The following SLCO3A1 variants were observed in gnomAD, a reference collection of about 807,000 sequenced individuals.
The protein encoded by SLCO3A1 is solute carrier organic anion transporter family member 3A1.
SLCO3A1 carries 27 observed loss-of-function variants against 63.1 expected under a neutral mutation model. That is an observed-to-expected ratio of 0.43 (90% confidence interval 0.32 to 0.59). The LOEUF (loss-of-function observed/expected upper bound fraction) is 0.59. SLCO3A1 is among the 20% of genes least tolerant of loss of function. The pLI is 0.09. For synonymous variants in SLCO3A1, 473 were observed against 409.9 expected, an observed-to-expected ratio of 1.15 and a Z score of -1.86; for missense variants, 773 against 945.8, an observed-to-expected ratio of 0.82 and a Z score of 2.40.
At chr15:92,045,146 G>T (rs545929156) in intron 2 of SLCO3A1, among the ~76,000 whole-genome samples, 1 of 152,176 alleles carries the variant, frequency 6.6e-6, no homozygotes, top group East Asian at 1.9e-4. Flanking sequence ...TGGGCTTGGT[G>T]GCATGCACCT....
chr15:92,026,963 G>C (rs1033816596), intron 2 of SLCO3A1, among the ~76,000 whole-genome samples: 1 of 152,080 alleles, frequency 6.6e-6, no homozygotes, highest in Non-Finnish European at 1.5e-5. Flanking sequence ...GGTGGTGCAC[G>C]CCTGTAATCC....
intron 1 of SLCO3A1, among the ~76,000 whole-genome samples, chr15:91,858,296 A>C (rs1188226111): frequency 6.6e-6 from 1 of 152,150 alleles, no homozygotes; most frequent in Non-Finnish European, 1.5e-5. Context: ...TATTTTATAC[A>C]CTTATGCTTA....
intron 6 of SLCO3A1, among the ~76,000 whole-genome samples, chr15:92,126,946 G>A (rs1415324223): frequency 6.6e-6 from 1 of 152,180 alleles, no homozygotes; most frequent in Non-Finnish European, 1.5e-5. Context: ...TGGCCTGCAG[G>A]TTACCAGTTT....
At chr15:92,075,637 T>G (rs1369489547) in intron 2 of SLCO3A1, among the ~76,000 whole-genome samples, 1 of 152,250 alleles carries the variant, frequency 6.6e-6, no homozygotes, top group Non-Finnish European at 1.5e-5. Context: ...TTTGGCCATG[T>G]TGAATCCTCA....
chr15:92,037,985 A>G (rs1681847323), intron 2 of SLCO3A1, among the ~76,000 whole-genome samples: 1 of 152,208 alleles, frequency 6.6e-6, no homozygotes. Flanking sequence ...TCTCACATGT[A>G]TAGTAGTGAG....
intron 1 of SLCO3A1, among the ~76,000 whole-genome samples, chr15:91,903,725 G>A (rs1368483607): frequency 1.3e-5 from 2 of 152,198 alleles, no homozygotes; most frequent in Non-Finnish European, 2.9e-5. Flanking sequence ...GTCCAGCTCT[G>A]TGCTCAGGAG....
chr15:91,981,644 C>G (rs1167242135), intron 2 of SLCO3A1, among the ~76,000 whole-genome samples: 1 of 152,176 alleles, frequency 6.6e-6, no homozygotes, highest in Non-Finnish European at 1.5e-5. Flanking sequence ...AACTACCCCT[C>G]CCTTTGGGCC....
intron 2 of SLCO3A1, among the ~76,000 whole-genome samples, chr15:92,034,139 G>A (rs997338012): frequency 6.6e-6 from 1 of 151,636 alleles, no homozygotes; most frequent in Admixed American, 6.6e-5. Flanking sequence ...GAGGAGTGAG[G>A]AGGAAAGTGG....
Position 91,916,254 on chromosome 15 carries a change from G to T in SLCO3A1, c.442G>T (p.Asp148Tyr). ...GEIRWGAEGRDVCAANGSGGD... is the reference protein window; with the variant it reads ...GEIRWGAEGRYVCAANGSGGD... Reference sequence around the variant, plus strand: ...GATCCGCTGGGGCGCCGAGGGCCGCGACGTCTGCGCAGCCAACGGCTCGGG... The same window carrying T: ...GATCCGCTGGGGCGCCGAGGGCCGCTACGTCTGCGCAGCCAACGGCTCGGG... The change falls in exon 2 of 10, where the codon GAC becomes TAC. Residue 148 changes from aspartate (D) to tyrosine (Y), a missense_variant. Physicochemically the swap from Asp to Tyr is radical, Grantham distance 160. Around this residue, in one of 3 missense-constraint regions of SLCO3A1, gnomAD observed 565 missense variants for 749.8 expected, o/e 0.75. Coordinates refer to ENST00000318445, the MANE Select transcript of SLCO3A1 (RefSeq NM_013272.4). The surrounding 1 kb of genome is among the most constrained non-coding windows in gnomAD (Gnocchi z 6.2). The T allele has an allele frequency of 1.3e-6, 2 of 1,567,044 alleles. No individual in the cohort carries two copies. The highest frequency in any genetic ancestry group is 1.7e-6 in the Non-Finnish European group (2 of 1,156,458).
chr15:92,171,723 A>C, intron 10 of SLCO3A1: 1 of 1,236,954 alleles, frequency 8.1e-7, no homozygotes, highest in Non-Finnish European at 1.2e-6. Flanking sequence ...CAGTAGGTGA[A>C]GCAGAAAAGA....
Position 91,854,277 on chromosome 15 carries a change from G to C in SLCO3A1, c.180+189G>C, listed in dbSNP as rs1896853748. ...GCCGGCCGGGGCTGCCAGCGAGCGG[G>C]TAGCGGGCGGGACCGTTGATGCCGG... On this transcript the variant is annotated intron_variant, in intron 1 of 9. Transcript: ENST00000318445. This position sits in a 1 kb window ranked among gnomAD's most constrained non-coding sequence, Gnocchi z 6.4. 1.7e-6 allele frequency: 2 copies of C among 1,144,850 alleles called. No individual in the cohort carries two copies. The highest frequency in any genetic ancestry group is 2.2e-6 in the Non-Finnish European group (2 of 926,714). The allele number at this position is 1,144,850 out of a possible 1,614,324, so 70.9% of individuals were successfully genotyped here. A position where few individuals can be genotyped will look rare whatever the true frequency, so the allele number is the denominator to read the frequency against.
In SLCO3A1 at chr15:92,165,291, A is replaced by G; in HGVS notation, c.*2156A>G. Reference sequence around the variant, plus strand: ...GGGGACACTCATCAGTACGTTAACTACTAAAGGGGAGATGGTTCTCCAACC... The same window carrying G: ...GGGGACACTCATCAGTACGTTAACTGCTAAAGGGGAGATGGTTCTCCAACC... On this transcript the variant is annotated 3_prime_UTR_variant, in exon 10 of 10. Coordinates refer to ENST00000318445, the MANE Select transcript of SLCO3A1 (RefSeq NM_013272.4). The G allele has an allele frequency of 1.0e-6, 1 of 985,406 alleles. No homozygotes were observed. The highest frequency in any genetic ancestry group is 1.2e-6 in the Non-Finnish European group (1 of 829,888). 61.0% of individuals were successfully genotyped at this position (985,406 alleles called of 1,614,324 possible). A position where few individuals can be genotyped will look rare whatever the true frequency, so the allele number is the denominator to read the frequency against.
chr15:91,867,981 CTA>C (rs1354081060), intron 1 of SLCO3A1, among the ~76,000 whole-genome samples: 1 of 152,180 alleles, frequency 6.6e-6, no homozygotes, highest in African/African-American at 2.4e-5. Context: ...TGTGAGCATC[CTA>C]TGTCTGTGTC....
In SLCO3A1 at chr15:91,894,340, C is replaced by T. The variant is rs1855958870; in HGVS notation, c.181-21653C>T. Among the ~76,000 whole-genome samples, 1 of 152,016 alleles carries T rather than the reference C, an allele frequency of 6.6e-6. No individual in the cohort carries two copies. Among genetic ancestry groups the T allele is most frequent in the Non-Finnish European group, 1.5e-5 (1 of 68,006 alleles). On this transcript the variant is annotated intron_variant, in intron 1 of 9. Transcript: ENST00000318445. The surrounding 1 kb of genome is among the most constrained non-coding windows in gnomAD (Gnocchi z 4.8). ...CCATTGGAAAATACTGAGTAACTTG[C>T]CATGATGTGACTTTGGTACTCAAAA...
intron 2 of SLCO3A1, among the ~76,000 whole-genome samples, chr15:91,988,968 T>G (rs2046090861): frequency 6.6e-6 from 1 of 152,202 alleles, no homozygotes; most frequent in African/African-American, 2.4e-5. Flanking sequence ...CATACTTAAC[T>G]TGGTGTCCTT....
At chr15:92,068,062 G>T (rs1170547456) in intron 2 of SLCO3A1, among the ~76,000 whole-genome samples, 1 of 152,126 alleles carries the variant, frequency 6.6e-6, no homozygotes, top group Non-Finnish European at 1.5e-5. Context: ...ATTACCCTGG[G>T]TATTAGGATT....
chr15:92,040,932 T>C (rs927950700), intron 2 of SLCO3A1, among the ~76,000 whole-genome samples: 1 of 152,180 alleles, frequency 6.6e-6, no homozygotes, highest in African/African-American at 2.4e-5. Flanking sequence ...ATACTAAGAT[T>C]GATTCGGTTT....
In SLCO3A1 at chr15:92,130,884, GCAAAAAA is replaced by G. The variant is rs1215100353; in HGVS notation, c.1512+2396_1512+2402del. ...CACTCTTCTTGTCTCCAAGTTCGGG[GCAAAAAA>G]AAAAAAAAAAAAAAAAAACTCTTTG... On this transcript the variant is annotated intron_variant, in intron 7 of 9. Coordinates refer to ENST00000318445, the MANE Select transcript of SLCO3A1 (RefSeq NM_013272.4). Among the ~76,000 whole-genome samples the G allele has an allele frequency of 2.0e-3, 217 of 107,332 alleles. 1 individual carries two copies. The highest frequency in any genetic ancestry group is 7.7e-3 in the African/African-American group (201 of 26,144). The allele number at this position is 107,332 out of a possible 152,430, so 70.4% of individuals were successfully genotyped here.
rs569142308 is a variant in SLCO3A1, at chr15:92,031,147, A to G, written c.647-63734A>G. 6.2e-4 allele frequency among the ~76,000 whole-genome samples: 95 copies of G among 152,320 alleles called. 1 individual carries two copies. The South Asian group carries it at 0.02, about 31-fold the overall frequency. On this transcript the variant is annotated intron_variant, in intron 2 of 9. Coordinates refer to ENST00000318445, the MANE Select transcript of SLCO3A1 (RefSeq NM_013272.4). ...CGCTAAGGCTTTATTTAGTGGTTCC[A>G]GAGACCCACAGGAAAGCCAGGGGTA...
Sources: allele counts gnomAD v4.1 joint callset (sites outside exome capture counted in the v4.1 genomes callset), GRCh38; gene constraint gnomAD v4.1.1; regional missense constraint gnomAD v4.1.1; non-coding constraint Gnocchi (gnomAD v3.1); transcripts MANE v1.5; gene names NCBI Gene and HGNC (gene_info 2026-07-23, HGNC 2026-07-21).